The following AKAP9 variants were observed in gnomAD, a reference collection of about 807,000 sequenced individuals.
AKAP9 encodes the protein A-kinase anchoring protein 9.
A neutral mutation model predicts 488.5 loss-of-function variants in AKAP9; 311 were observed. The ratio of observed to expected loss-of-function variants is 0.64; its 90% CI spans 0.58 to 0.70. The LOEUF (loss-of-function observed/expected upper bound fraction) is 0.70. AKAP9 is among the 30% of genes least tolerant of loss of function. AKAP9 has a pLI of 0.00. For missense variants in AKAP9, 4,215 were observed against 4,374.5 expected (o/e 0.96, Z 1.03); for synonymous variants, 1,462 against 1,483.5 (o/e 0.99, Z 0.33).
At chr7:92,094,424 A>G (rs1441377778) in intron 39 of AKAP9, among the ~76,000 whole-genome samples, 1 of 151,748 alleles carries the variant, frequency 6.6e-6, no homozygotes, top group Non-Finnish European at 1.5e-5. Flanking sequence ...TCCCAGCTAC[A>G]TGGGAGGGTG....
intron 31 of AKAP9, among the ~76,000 whole-genome samples, chr7:92,081,171 T>C (rs1813482538): frequency 6.6e-6 from 1 of 152,186 alleles, no homozygotes; most frequent in African/African-American, 2.4e-5. Context: ...ATGCATGTTA[T>C]GTTATCATTC....
chr7:92,019,573 G>T (rs1231609325), intron 12 of AKAP9, among the ~76,000 whole-genome samples: 1 of 151,680 alleles, frequency 6.6e-6, no homozygotes, highest in Admixed American at 6.6e-5. Context: ...CTAGACTGAA[G>T]AAATGTGTAA....
At chr7:92,013,126 G>A (rs1185957657) in intron 9 of AKAP9, among the ~76,000 whole-genome samples, 68 of 149,512 alleles carry the variant, frequency 4.5e-4, no homozygotes, top group African/African-American at 1.6e-3. Context: ...CAAGTAGCTG[G>A]GACTACAGGC....
intron 38 of AKAP9, chr7:92,092,879 T>C: frequency 2.1e-6 from 1 of 485,478 alleles, no homozygotes; most frequent in East Asian, 3.9e-5. Context: ...ACTCCTGGCC[T>C]TAAGCAGTCC....
chr7:92,110,249 C>A lies in AKAP9; in HGVS notation c.*90C>A. On this transcript the variant is annotated 3_prime_UTR_variant, in exon 50 of 50. Coordinates refer to ENST00000356239, the MANE Select transcript of AKAP9 (RefSeq NM_005751.5). ...TTTGTGCTTTTGTATTGTGAATATT[C>A]AATGGGACCAATATGAACACAGCTT... 1 of 996,302 alleles carries A rather than the reference C, an allele frequency of 1.0e-6. No homozygotes were observed. The highest frequency in any genetic ancestry group is 1.4e-5 in the South Asian group (1 of 73,134). 61.7% of individuals were successfully genotyped at this position (996,302 alleles called of 1,614,324 possible). A position where few individuals can be genotyped will look rare whatever the true frequency, so the allele number is the denominator to read the frequency against.
At chr7:92,019,130 T>C (rs1016908442) in intron 12 of AKAP9, among the ~76,000 whole-genome samples, 1 of 152,176 alleles carries the variant, frequency 6.6e-6, no homozygotes, top group Admixed American at 6.5e-5. Flanking sequence ...AATTTTTATT[T>C]TTATTTTACT....
At chr7:91,977,372 C>T (rs570808675) in intron 2 of AKAP9, among the ~76,000 whole-genome samples, 10 of 152,214 alleles carry the variant, frequency 6.6e-5, no homozygotes, top group African/African-American at 1.7e-4. Context: ...CTGGCTAACA[C>T]GGTGAAACCC....
intron 16 of AKAP9, among the ~76,000 whole-genome samples, chr7:92,032,845 A>G (rs1000268950): frequency 7.2e-5 from 11 of 152,140 alleles, no homozygotes; most frequent in African/African-American, 1.7e-4. Context: ...AAATTTATCA[A>G]ATGGAATGGT....
rs761175554 is a variant in AKAP9 at position 92,079,996 on chromosome 7, T to C, written c.7863T>C (p.Ser2621=). The change falls in exon 31 of 50, where the codon AGT becomes AGC. Residue 2621 remains serine, a synonymous_variant. Transcript: ENST00000356239. The part of the protein sequence containing the change: ...LESQVVEMHT[S]LILEKEQVEI... ...GCCAGGTTGTTGAAATGCATACTAG[T>C]TTGATTTTAGAAAAAGAACAAGTAG... 7.7e-6 allele frequency: 12 copies of C among 1,565,848 alleles called. No homozygotes were observed. The South Asian group carries it at 1.5e-4, about 19-fold the overall frequency.
chr7:92,035,489 T>C (rs1805039742), intron 16 of AKAP9, among the ~76,000 whole-genome samples: 1 of 152,242 alleles, frequency 6.6e-6, no homozygotes, highest in Non-Finnish European at 1.5e-5. Context: ...TTAGCATTTC[T>C]TTTAGAACAG....
In AKAP9 at chr7:91,946,474, T is replaced by C. The variant is rs559940374; in HGVS notation, c.48+5327T>C. ...CCTGCCTTGACCTCCTGAGCTCAAG[T>C]GATCCTCCTGCCTCAACCTCCTGAG... On this transcript the variant is annotated intron_variant, in intron 1 of 49. Transcript: ENST00000356239. Among the ~76,000 whole-genome samples the C allele has an allele frequency of 8.6e-5, 13 of 151,750 alleles. No homozygotes were observed. The South Asian group carries it at 2.7e-3, about 32-fold the overall frequency.
chr7:92,066,586 G>A (rs1376179946), intron 26 of AKAP9, 40 bp downstream of exon 26: 2 of 1,608,826 alleles, frequency 1.2e-6, no homozygotes, highest in Non-Finnish European at 1.7e-6. Context: ...ACAGTAATTT[G>A]TATCAAGTGT....
chr7:92,077,923 T>A, intron 30 of AKAP9, 48 bp downstream of exon 30: 1 of 1,427,826 alleles, frequency 7.0e-7, no homozygotes, highest in Non-Finnish European at 9.7e-7. Context: ...ACCAGAGTTT[T>A]AAAGGGCAAA....
intron 3 of AKAP9, among the ~76,000 whole-genome samples, chr7:91,982,816 G>C (rs150354857): frequency 0.014 from 2,142 of 152,268 alleles, 33 homozygotes; most frequent in Non-Finnish European, 0.022. Context: ...CAGTGTAAAA[G>C]CATTCCTATT....
At chr7:91,992,670 A>AC (rs1312540820) in intron 4 of AKAP9, among the ~76,000 whole-genome samples, 18 of 138,784 alleles carry the variant, frequency 1.3e-4, no homozygotes, top group South Asian at 2.4e-4. Context: ...TCAAAAAAAA[A>AC]AAAAAAAAAA....
chr7:92,027,570 A>G (rs1474866911), intron 14 of AKAP9, among the ~76,000 whole-genome samples: 3 of 107,102 alleles, frequency 2.8e-5, no homozygotes, highest in African/African-American at 7.1e-5. Flanking sequence ...GGTGAGGAGC[A>G]CCTCTGCCCG....
chr7:92,027,717 C>T (rs1470426407), intron 14 of AKAP9, among the ~76,000 whole-genome samples: 21 of 149,062 alleles, frequency 1.4e-4, no homozygotes, highest in South Asian at 4.2e-4. Context: ...ATGTGAGGAG[C>T]GCCTCTGCCT....
At chr7:92,076,410 GTTAA>G (rs1812593581) in intron 28 of AKAP9, among the ~76,000 whole-genome samples, 1 of 152,188 alleles carries the variant, frequency 6.6e-6, no homozygotes, top group South Asian at 2.1e-4. Flanking sequence ...CTTTTAGTAA[GTTAA>G]TTAGATATTT....
intron 20 of AKAP9, 43 bp downstream of exon 20, chr7:92,042,814 T>G (rs780683602): frequency 7.5e-7 from 1 of 1,339,112 alleles, no homozygotes; most frequent in Non-Finnish European, 1.1e-6. Context: ...TAAATTAAAA[T>G]GGTTGTTTCA....
Sources: gnomAD v4.1 joint callset for allele counts (sites outside exome capture counted in the v4.1 genomes callset) on GRCh38, gnomAD v4.1.1 for gene constraint, MANE v1.5 for transcripts, NCBI Gene and HGNC (gene_info 2026-07-23, HGNC 2026-07-21) for gene names.